Variants in D2HGDH observed in about 807,000 individuals in gnomAD.
D2HGDH encodes the protein D-2-hydroxyglutarate dehydrogenase, also known as D-2-hydroxyglutarate dehydrogenase, mitochondrial.
Under a neutral mutation model 46.9 loss-of-function variants are expected in D2HGDH, and 31 were observed. The ratio of observed to expected loss-of-function variants is 0.66; its 90% confidence interval spans 0.50 to 0.89. The LOEUF (loss-of-function observed/expected upper bound fraction) is 0.89, where lower values mean the gene tolerates loss of function less well. Among genes scored for constraint, D2HGDH ranks in the 40% least tolerant of loss-of-function variants. D2HGDH has a pLI of 0.00. For missense variants in D2HGDH, 698 were observed against 720.8 expected, an observed-to-expected ratio of 0.97 and a Z score of 0.36; for synonymous variants, 364 against 332.6, an observed-to-expected ratio of 1.09 and a Z score of -1.03.
chr2:241,758,651 C>G (rs1698421636), intron 9 of D2HGDH, among the ~76,000 whole-genome samples: 2 of 152,090 alleles, frequency 1.3e-5, no homozygotes, highest in Admixed American at 1.3e-4. Flanking sequence ...TGGTTCACGC[C>G]TATAATCTCA....
At chr2:241,749,410 G>A (rs1429283305) in intron 6 of D2HGDH, 4 of 1,239,176 alleles carry the variant, frequency 3.2e-6, no homozygotes, top group Non-Finnish European at 3.1e-6. Context: ...GTGGGCACGG[G>A]CCCCCTCCTG....
intron 6 of D2HGDH, chr2:241,749,549 C>T: frequency 5.4e-6 from 2 of 368,880 alleles, no homozygotes; most frequent in South Asian, 4.4e-5. Context: ...GGAGCACTAA[C>T]ACGCCTGTTG....
At chr2:241,754,317 C>G (rs545905751) in intron 8 of D2HGDH, among the ~76,000 whole-genome samples, 21 of 152,274 alleles carry the variant, frequency 1.4e-4, no homozygotes, top group African/African-American at 5.1e-4. Context: ...AGGGCGTGAC[C>G]CAAGGGTCTG....
Position 241,752,048 on chromosome 2 carries a change from C to T in D2HGDH, c.1140+660C>T, listed in dbSNP as rs985337113. 7.9e-5 allele frequency among the ~76,000 whole-genome samples: 12 copies of T among 151,722 alleles called. 1 individual carries two copies. Among genetic ancestry groups the T allele is most frequent in the African/African-American group, 1.9e-4 (8 of 41,236 alleles). Reference sequence around the variant, plus strand: ...CCGGGACCTGGGTGGGAGGAGCCCTCAGTTACCTTCACCGGGGCCTGGGCA... The same window carrying T: ...CCGGGACCTGGGTGGGAGGAGCCCTTAGTTACCTTCACCGGGGCCTGGGCA... On this transcript the variant is annotated intron_variant, in intron 8 of 9. Transcript: ENST00000321264.
At chr2:241,750,402 C>CCGGGGGGGGGGG in intron 7 of D2HGDH, 108 bp downstream of exon 7, 1 of 167,710 alleles carries the variant, frequency 6.0e-6, no homozygotes, top group Non-Finnish European at 1.1e-5. Context: ...CCCGGGCGGG[C>CCGGGGGGGGGGG]GGGTGGGGGG....
At chr2:241,745,477 C>A (rs183579943) in intron 6 of D2HGDH, among the ~76,000 whole-genome samples, 7 of 152,326 alleles carry the variant, frequency 4.6e-5, no homozygotes, top group African/African-American at 1.7e-4. Flanking sequence ...AGTCTTCGCG[C>A]GGGAGGTGGC....
chr2:241,739,612 C>T (rs1422869652), intron 2 of D2HGDH, among the ~76,000 whole-genome samples: 4 of 152,240 alleles, frequency 2.6e-5, no homozygotes, highest in South Asian at 2.1e-4. Flanking sequence ...CTGGGAAAGT[C>T]GTCTCAAGGA....
At chr2:241,755,564 G>A in intron 8 of D2HGDH, 1 of 1,439,844 alleles carries the variant, frequency 6.9e-7, no homozygotes, top group African/African-American at 1.4e-5. Context: ...GGTGCTCGGT[G>A]CTGTCGTGGA....
intron 9 of D2HGDH, among the ~76,000 whole-genome samples, chr2:241,762,978 A>AT (rs1230539474): frequency 6.6e-6 from 1 of 151,768 alleles, no homozygotes; most frequent in Non-Finnish European, 1.5e-5. Context: ...TATTCGTTAG[A>AT]TTTTTATCTG....
chr2:241,739,786 A>G (rs1479306367), intron 2 of D2HGDH, among the ~76,000 whole-genome samples: 3 of 152,236 alleles, frequency 2.0e-5, no homozygotes, highest in Non-Finnish European at 4.4e-5. Flanking sequence ...AGCCCACATC[A>G]CTGTGAATAA....
At chr2:241,750,398 C>CGGGGGGGG in intron 7 of D2HGDH, 104 bp downstream of exon 7, 1 of 171,722 alleles carries the variant, frequency 5.8e-6, no homozygotes, top group Non-Finnish European at 9.9e-6. Context: ...GGTGCCCGGG[C>CGGGGGGGG]GGGCGGGTGG....
chr2:241,744,832 A>C lies in D2HGDH; in HGVS notation c.808A>C (p.Ile270Leu), dbSNP rs757789343. The change falls in exon 6 of 10, where the codon ATC becomes CTC. Residue 270 changes from isoleucine to leucine, a missense_variant. By Grantham distance (5) the Ile-to-Leu change is conservative. Transcript: ENST00000321264. ...TTTGGGGATCATCACCACGGTGTCC[A>C]TCTTGTGTCCACCCAAGCCCAGGGC... ...GTLGIITTVS[I>L]LCPPKPRAVN... The C allele has an allele frequency of 2.5e-6, 4 of 1,613,998 alleles. No individual in the cohort carries two copies. The highest frequency in any genetic ancestry group is 3.4e-6 in the Non-Finnish European group (4 of 1,179,978).
chr2:241,756,370 G>A (rs146325949), intron 9 of D2HGDH, among the ~76,000 whole-genome samples: 8 of 152,352 alleles, frequency 5.3e-5, no homozygotes, highest in African/African-American at 1.7e-4. Context: ...CACAGGGCCC[G>A]GCCCCGAGGC....
chr2:241,754,339 C>G (rs1028490986), intron 8 of D2HGDH, among the ~76,000 whole-genome samples: 1 of 152,168 alleles, frequency 6.6e-6, no homozygotes, highest in Non-Finnish European at 1.5e-5. Context: ...TCTGACCGAA[C>G]TAGCTCTAGA....
chr2:241,736,670 C>CTTTTTTTTTTTTTTTTT (rs768906916), intron 2 of D2HGDH, among the ~76,000 whole-genome samples: 1 of 147,400 alleles, frequency 6.8e-6, no homozygotes. Flanking sequence ...ACCGTTTATC[C>CTTTTTTTTTTTTTTTTT]GTTTTTTTTT....
intron 9 of D2HGDH, among the ~76,000 whole-genome samples, chr2:241,757,574 C>T (rs1443321858): frequency 6.6e-6 from 1 of 152,200 alleles, no homozygotes; most frequent in African/African-American, 2.4e-5. Context: ...GAGGAGGCTT[C>T]CTCCTCTCCA....
At chr2:241,746,743 C>A (rs1559368999) in intron 6 of D2HGDH, among the ~76,000 whole-genome samples, 1 of 152,034 alleles carries the variant, frequency 6.6e-6, no homozygotes, top group African/African-American at 2.4e-5. Flanking sequence ...CAAAAATTAG[C>A]CGGGCATGGT....
At chr2:241,765,296 G>A (rs964522772) in intron 9 of D2HGDH, among the ~76,000 whole-genome samples, 2 of 149,210 alleles carry the variant, frequency 1.3e-5, no homozygotes, top group Non-Finnish European at 3.0e-5. Context: ...GTAGGAAGAG[G>A]GGGGAGAACT....
At chr2:241,750,361 C>G in intron 7 of D2HGDH, 67 bp downstream of exon 7, 1 of 1,123,968 alleles carries the variant, frequency 8.9e-7, no homozygotes, top group Non-Finnish European at 1.2e-6. Flanking sequence ...ACACATGGGA[C>G]GGCTCAGAGA....
Sources: gnomAD v4.1 joint callset for allele counts (sites outside exome capture counted in the v4.1 genomes callset) on GRCh38, gnomAD v4.1.1 for gene constraint, MANE v1.5 for transcripts, NCBI Gene and HGNC (gene_info 2026-07-23, HGNC 2026-07-21) for gene names.